CCR3: variants seen among roughly 807,000 people sequenced by gnomAD.
CCR3 encodes C-C chemokine receptor type 3.
For synonymous variants in CCR3, 203 were observed against 179.2 expected, an observed-to-expected ratio of 1.13 and a Z score of -1.06; for missense variants, 419 against 437.5, an observed-to-expected ratio of 0.96 and a Z score of 0.38.
At chr3:46,232,372 A>G (rs1319335731) in intron 2 of CCR3, among the ~76,000 whole-genome samples, 1 of 152,174 alleles carries the variant, frequency 6.6e-6, no homozygotes, top group African/African-American at 2.4e-5. Flanking sequence ...CTGGAGCAGG[A>G]AGGGCTGGGA....
chr3:46,264,553 C>A, intron 1 of CCR3: 1 of 702,140 alleles, frequency 1.4e-6, no homozygotes, highest in African/African-American at 1.9e-5. Context: ...AGATCTAGCC[C>A]AAATTTTATA....
chr3:46,259,893 T>C (rs1256540387), intron 1 of CCR3, among the ~76,000 whole-genome samples: 1 of 152,186 alleles, frequency 6.6e-6, no homozygotes, highest in Admixed American at 6.5e-5. Context: ...TACATAGTTG[T>C]ATTAGTCCAT....
intron 1 of CCR3, among the ~76,000 whole-genome samples, chr3:46,255,649 G>C (rs1358249621): frequency 6.6e-6 from 1 of 152,106 alleles, no homozygotes; most frequent in African/African-American, 2.4e-5. Context: ...TTGTTGAATA[G>C]GGTGTCCTTT....
At chr3:46,235,203 C>T (rs920541988) in intron 2 of CCR3, among the ~76,000 whole-genome samples, 1 of 152,170 alleles carries the variant, frequency 6.6e-6, no homozygotes, top group African/African-American at 2.4e-5. Context: ...CCACCTACCC[C>T]CATATCTTAA....
intron 1 of CCR3, among the ~76,000 whole-genome samples, chr3:46,248,752 G>A (rs931890042): frequency 6.6e-6 from 1 of 152,188 alleles, no homozygotes; most frequent in Admixed American, 6.5e-5. Context: ...AAGAGAGGCT[G>A]GGATGAAGGG....
chr3:46,244,164 T>A (rs182543987), intron 1 of CCR3, among the ~76,000 whole-genome samples: 160 of 152,376 alleles, frequency 1.1e-3, no homozygotes, highest in Non-Finnish European at 1.1e-3. Context: ...CAAATATGTT[T>A]ATTGCAGTAT....
upstream of CCR3, among the ~76,000 whole-genome samples, chr3:46,238,253 T>TA (rs1700042583): frequency 9.4e-5 from 6 of 63,608 alleles, no homozygotes; most frequent in East Asian, 2.3e-3. Flanking sequence ...TATTGTCAAT[T>TA]TAAAAAAAAA....
intron 1 of CCR3, among the ~76,000 whole-genome samples, chr3:46,264,937 G>A (rs999456900): frequency 1.3e-5 from 2 of 151,868 alleles, no homozygotes; most frequent in African/African-American, 4.8e-5. Flanking sequence ...TTCCCATGCC[G>A]GGTCATGCTA....
In CCR3 at chr3:46,265,130, TTTC is replaced by T. The variant is rs771039208; in HGVS notation, c.-11-10_-11-8del. 105 of 1,493,096 alleles carry T rather than the reference TTTC, an allele frequency of 7.0e-5. No individual in the cohort carries two copies. Among genetic ancestry groups the T allele is most frequent in the Admixed American group, 3.6e-5 (2 of 55,850 alleles). 92.5% of individuals were successfully genotyped at this position (1,493,096 alleles called of 1,614,324 possible). ...TTATGCTTCATTGTGGGATTGTATT[TTTC>T]TTCTTCTATCACAGGGAGAAGTGAA... On this transcript the variant is annotated splice_polypyrimidine_tract_variant and intron_variant, in intron 1 of 1. Transcript: ENST00000395940.
intron 2 of CCR3, among the ~76,000 whole-genome samples, chr3:46,222,396 A>G (rs889833189): frequency 1.3e-5 from 2 of 152,076 alleles, no homozygotes; most frequent in Non-Finnish European, 2.9e-5. Flanking sequence ...TCTCTTATTT[A>G]ATTTGTCGCC....
intron 2 of CCR3, among the ~76,000 whole-genome samples, chr3:46,229,562 T>C (rs1419179843): frequency 1.3e-5 from 2 of 151,234 alleles, no homozygotes; most frequent in Non-Finnish European, 2.9e-5. Flanking sequence ...GAGTTGGGGG[T>C]GGAGGGCAGG....
chr3:46,211,426 G>T (rs983495264), intron 2 of CCR3, among the ~76,000 whole-genome samples: 3 of 151,288 alleles, frequency 2.0e-5, no homozygotes, highest in Non-Finnish European at 2.9e-5. Flanking sequence ...GTGTTATCAT[G>T]TTGCCTAGGT....
chr3:46,250,084 G>T (rs1470138486), intron 1 of CCR3, among the ~76,000 whole-genome samples: 2 of 150,522 alleles, frequency 1.3e-5, no homozygotes, highest in African/African-American at 5.0e-5. Flanking sequence ...GCCATGAACT[G>T]GGCTGGGTTT....
At chr3:46,231,371 C>T (rs1430844752) in intron 2 of CCR3, among the ~76,000 whole-genome samples, 1 of 152,246 alleles carries the variant, frequency 6.6e-6, no homozygotes. Context: ...GGCTCCAAAA[C>T]ACTTTATTAC....
chr3:46,242,805 C>T (rs948260313), intron 1 of CCR3, among the ~76,000 whole-genome samples: 2 of 151,650 alleles, frequency 1.3e-5, no homozygotes, highest in South Asian at 4.2e-4. Flanking sequence ...CCCTTTATAC[C>T]TCTTTAGTCA....
At chr3:46,248,665 CTG>C (rs1229258962) in intron 1 of CCR3, among the ~76,000 whole-genome samples, 3 of 152,118 alleles carry the variant, frequency 2.0e-5, no homozygotes, top group African/African-American at 7.2e-5. Context: ...TGGGGGCTGT[CTG>C]TGAAACCTTG....
intron 2 of CCR3, among the ~76,000 whole-genome samples, chr3:46,236,797 C>G (rs1700029481): frequency 6.6e-6 from 1 of 152,162 alleles, no homozygotes. Flanking sequence ...AGAGTCTGTA[C>G]CTTATCTAAG....
chr3:46,263,966 C>T (rs1700572793), intron 1 of CCR3: 1 of 162,774 alleles, frequency 6.1e-6, no homozygotes, highest in Admixed American at 6.3e-5. Flanking sequence ...CCTGTATATT[C>T]ACATCTTCAC....
intron 2 of CCR3, among the ~76,000 whole-genome samples, chr3:46,229,154 T>A (rs1394399220): frequency 6.6e-6 from 1 of 152,212 alleles, no homozygotes; most frequent in Non-Finnish European, 1.5e-5. Context: ...TATGAGCGAT[T>A]TCCAGGCCAG....
Sources: allele counts gnomAD v4.1 joint callset (sites outside exome capture counted in the v4.1 genomes callset), GRCh38; gene constraint gnomAD v4.1.1; transcripts MANE v1.5; gene names NCBI Gene and HGNC (gene_info 2026-07-23, HGNC 2026-07-21).